ZNF33B: variants seen among roughly 807,000 people sequenced by gnomAD.
ZNF33B encodes the protein zinc finger protein 33B, also known as zinc finger protein 11b (KOX 2).
A neutral mutation model predicts 45.8 loss-of-function variants in ZNF33B; 29 were observed. That is an observed-to-expected ratio of 0.63 (90% CI 0.47 to 0.86). The LOEUF (loss-of-function observed/expected upper bound fraction) is 0.86. Among genes scored for constraint, ZNF33B ranks in the 40% least tolerant of loss-of-function variants. ZNF33B has a pLI of 0.00. For synonymous variants in ZNF33B, 305 were observed against 307.8 expected, an observed-to-expected ratio of 0.99 and a Z score of 0.10; for missense variants, 831 against 909.9, an observed-to-expected ratio of 0.91 and a Z score of 1.12.
intron 4 of ZNF33B, among the ~76,000 whole-genome samples, chr10:42,600,363 C>T (rs1357433019): frequency 6.6e-6 from 1 of 152,014 alleles, no homozygotes; most frequent in Non-Finnish European, 1.5e-5. Flanking sequence ...AAATATTTTG[C>T]AAATCTGTTA....
chr10:42,610,491 T>C (rs1406404421), intron 4 of ZNF33B, among the ~76,000 whole-genome samples: 1 of 152,180 alleles, frequency 6.6e-6, no homozygotes, highest in Non-Finnish European at 1.5e-5. Flanking sequence ...TGAGCCAAGA[T>C]CGCGCCATTG....
Position 42,596,883 on chromosome 10 carries a change from GAC to G in ZNF33B, c.251-2186_251-2185del, listed in dbSNP as rs1837422112. Among the ~76,000 whole-genome samples the G allele has an allele frequency of 3.3e-5, 5 of 151,508 alleles. No individual in the cohort carries two copies. In the South Asian group the frequency reaches 1.0e-3, roughly 31 times the overall value. ...GATAATCATATCTTTTGTGAATAAA[GAC>G]ATTTCTACTTCTTTTCCACTCTAGT... On this transcript the variant is annotated intron_variant, in intron 4 of 4. Transcript: ENST00000359467.
intron 4 of ZNF33B, among the ~76,000 whole-genome samples, chr10:42,630,159 G>T (rs1207941892): frequency 1.3e-5 from 2 of 151,996 alleles, no homozygotes; most frequent in African/African-American, 4.8e-5. Flanking sequence ...ATTTTTAAAG[G>T]TAGGTTTGCT....
chr10:42,580,134 A>T (rs1220053414), intron 1 of ZNF33B, among the ~76,000 whole-genome samples: 2 of 152,210 alleles, frequency 1.3e-5, no homozygotes, highest in Non-Finnish European at 2.9e-5. Context: ...GTTGTCATTG[A>T]TACCTGGCAC....
intron 4 of ZNF33B, among the ~76,000 whole-genome samples, chr10:42,616,242 T>A (rs1470225280): frequency 4.0e-5 from 6 of 151,782 alleles, no homozygotes; most frequent in Admixed American, 2.0e-4. Context: ...TAAAAAAAAA[T>A]AAAAAAATTT....
At chr10:42,625,782 T>C (rs1838782627) in intron 4 of ZNF33B, among the ~76,000 whole-genome samples, 1 of 152,242 alleles carries the variant, frequency 6.6e-6, no homozygotes, top group South Asian at 2.1e-4. Flanking sequence ...CTGAGGTTTT[T>C]ATTTTCTAAG....
At chr10:42,631,777 G>T in intron 4 of ZNF33B, 152 bp downstream of exon 4, 1 of 668,748 alleles carries the variant, frequency 1.5e-6, no homozygotes, top group Non-Finnish European at 2.6e-6. Flanking sequence ...CTGGAGGTTT[G>T]ATTTAGCAAT....
chr10:42,626,550 T>C (rs953278444), intron 4 of ZNF33B, among the ~76,000 whole-genome samples: 4 of 152,074 alleles, frequency 2.6e-5, no homozygotes, highest in Admixed American at 2.6e-4. Context: ...TAGCCGAGCA[T>C]GGTCGCATGC....
intron 2 of ZNF33B, among the ~76,000 whole-genome samples, chr10:42,635,313 C>G (rs531294451): frequency 6.6e-6 from 1 of 151,330 alleles, no homozygotes; most frequent in Non-Finnish European, 1.5e-5. Context: ...CACAATTAGT[C>G]AACTCTGCCA....
chr10:42,576,817 T>A (rs1340640556), intron 1 of ZNF33B, among the ~76,000 whole-genome samples: 2 of 152,244 alleles, frequency 1.3e-5, no homozygotes, highest in Admixed American at 6.5e-5. Flanking sequence ...CAGAGAGAAC[T>A]AAAGACTTTT....
At chr10:42,606,795 TAAA>T (rs34274785) in intron 4 of ZNF33B, among the ~76,000 whole-genome samples, 100 of 140,406 alleles carry the variant, frequency 7.1e-4, no homozygotes, top group Non-Finnish European at 7.7e-4. Context: ...GAACTTAAAG[TAAA>T]AAAAAAAAAA....
chr10:42,590,714 T>C lies in ZNF33B; in HGVS notation c.*1899A>G, dbSNP rs914789916. The C allele has an allele frequency of 1.3e-5, 2 of 152,368 alleles. No homozygotes were observed. The highest frequency in any genetic ancestry group is 4.8e-5 in the African/African-American group (2 of 41,582). 9.4% of individuals were successfully genotyped at this position (152,368 alleles called of 1,614,324 possible). A position where few individuals can be genotyped will look rare whatever the true frequency, so the allele number is the denominator to read the frequency against. ...CATTTTAGCTAAGTTATCAAATTTA[T>C]GGACAGAGTTGTCCATATTTCTTTC... On this transcript the variant is annotated 3_prime_UTR_variant, in exon 5 of 5. Transcript: ENST00000359467.
chr10:42,638,487 C>G lies in ZNF33B; in HGVS notation c.-58G>C. ...GCGGAGGCTTACCTCACTCTCTCTT[C>G]GGGTTGCATTCGCCATAAGAGAGCC... is the stretch of plus-strand genomic sequence containing the variant. On this transcript the variant is annotated 5_prime_UTR_variant, in exon 1 of 5. Transcript: ENST00000359467. The G allele has an allele frequency of 2.2e-6, 1 of 462,110 alleles. No individual in the cohort carries two copies. Among genetic ancestry groups the G allele is most frequent in the African/African-American group, 2.0e-5 (1 of 50,154 alleles). 28.6% of individuals were successfully genotyped at this position (462,110 alleles called of 1,614,324 possible).
chr10:42,631,842 A>C, intron 4 of ZNF33B, 87 bp downstream of exon 4: 1 of 1,136,868 alleles, frequency 8.8e-7, no homozygotes, highest in Non-Finnish European at 1.3e-6. Context: ...GTTCTTGAAA[A>C]ATGTTCCAAA....
downstream of ZNF33B, among the ~76,000 whole-genome samples, chr10:42,585,391 C>T (rs911595206): frequency 2.0e-5 from 3 of 152,226 alleles, no homozygotes; most frequent in African/African-American, 7.2e-5. Flanking sequence ...GACACATCCA[C>T]ACTTCACTAC....
chr10:42,603,367 C>A (rs1837706921), intron 4 of ZNF33B, among the ~76,000 whole-genome samples: 1 of 152,108 alleles, frequency 6.6e-6, no homozygotes, highest in Admixed American at 6.6e-5. Flanking sequence ...TCAATGATAA[C>A]CAATTAAGAA....
Position 42,638,504 on chromosome 10 carries a change from A to C in ZNF33B, c.-75T>G. ...TCTCTCTTCGGGTTGCATTCGCCAT[A>C]AGAGAGCCGGTAGACCCCTGAAATC... On this transcript the variant is annotated 5_prime_UTR_variant, in exon 1 of 5. Transcript: ENST00000359467. 2.1e-6 allele frequency: 1 copy of C among 480,304 alleles called. No individual in the cohort carries two copies. The allele number at this position is 480,304 out of a possible 1,614,324, so 29.8% of individuals were successfully genotyped here.
At chr10:42,585,250 AC>A (rs1392028568), downstream of ZNF33B, among the ~76,000 whole-genome samples, 1 of 152,230 alleles carries the variant, frequency 6.6e-6, no homozygotes, top group African/African-American at 2.4e-5. Context: ...GGCAGTGGAT[AC>A]CTTTGCTGAA....
Position 42,594,258 on chromosome 10 carries a change from T to C in ZNF33B, c.692A>G (p.Lys231Arg). The C allele has an allele frequency of 3.7e-6, 6 of 1,613,844 alleles. No individual in the cohort carries two copies. The highest frequency in any genetic ancestry group is 5.1e-6 in the Non-Finnish European group (6 of 1,179,924). ...YSICQETLLE[K>R]AVFNTRKREN... ...TCTCTTCCGTGTATTGAATACTGCC[T>C]TTTCAAGGAGGGTTTCCTGACATAT... is the stretch of plus-strand genomic sequence containing the variant. The change falls in exon 5 of 5, where the codon AAG becomes AGG. Residue 231 changes from lysine (K) to arginine (R), a missense_variant. Coordinates refer to ENST00000359467, the MANE Select transcript of ZNF33B (RefSeq NM_006955.3).
Sources: gnomAD v4.1 joint callset for allele counts (sites outside exome capture counted in the v4.1 genomes callset) on GRCh38, gnomAD v4.1.1 for gene constraint, MANE v1.5 for transcripts, NCBI Gene and HGNC (gene_info 2026-07-23, HGNC 2026-07-21) for gene names.